Variants in ATE1 observed in about 807,000 individuals in gnomAD.
ATE1 encodes the protein arginyltransferase 1.
A neutral mutation model predicts 70.5 loss-of-function variants in ATE1; 36 were observed. The observed-to-expected ratio is 0.51, with a 90% CI of 0.39 to 0.67. ATE1 has a LOEUF of 0.67. ATE1 is among the 30% of genes least tolerant of loss of function. ATE1 has a pLI of 0.00. For synonymous variants in ATE1, 232 were observed against 219.3 expected (o/e 1.06, Z -0.51); for missense variants, 593 against 629.5 (o/e 0.94, Z 0.62).
At chr10:121,908,603 C>T (rs568587830) in intron 5 of ATE1, among the ~76,000 whole-genome samples, 7 of 152,222 alleles carry the variant, frequency 4.6e-5, no homozygotes, top group African/African-American at 7.2e-5. Flanking sequence ...AGCCAGGAAA[C>T]GAAGAAATGA....
At chr10:121,919,967 C>T (rs12264495) in intron 3 of ATE1, among the ~76,000 whole-genome samples, 20,067 of 151,862 alleles carry the variant, frequency 0.13, 1,526 homozygotes, top group East Asian at 0.19. Flanking sequence ...CAGCTCTCAT[C>T]GACTTCTCAA....
At chr10:121,863,252 CTTTTTT>C (rs1162295975) in intron 8 of ATE1, among the ~76,000 whole-genome samples, 5 of 127,354 alleles carry the variant, frequency 3.9e-5, no homozygotes, top group African/African-American at 1.5e-4. Flanking sequence ...CTGAAGTCTA[CTTTTTT>C]TTTTTTTTTT....
At chr10:121,884,985 G>A (rs1181796391) in intron 7 of ATE1, among the ~76,000 whole-genome samples, 2 of 152,128 alleles carry the variant, frequency 1.3e-5, no homozygotes, top group South Asian at 4.1e-4. Context: ...TTTAGGCCAG[G>A]CACAGTGGCT....
intron 7 of ATE1, among the ~76,000 whole-genome samples, chr10:121,883,441 C>T (rs1950285992): frequency 6.6e-6 from 1 of 152,008 alleles, no homozygotes; most frequent in Admixed American, 6.6e-5. Flanking sequence ...CAAACTAACA[C>T]AAGAATTGTC....
intron 10 of ATE1, among the ~76,000 whole-genome samples, chr10:121,825,057 AAT>A (rs1947952807): frequency 6.6e-6 from 1 of 151,822 alleles, no homozygotes; most frequent in South Asian, 2.1e-4. Context: ...ATGTGAAATT[AAT>A]ACAGTAATTT....
intron 7 of ATE1, among the ~76,000 whole-genome samples, chr10:121,888,610 C>A (rs911713261): frequency 6.6e-6 from 1 of 152,134 alleles, no homozygotes; most frequent in Non-Finnish European, 1.5e-5. Flanking sequence ...GCACACCCTA[C>A]GACACAGCAT....
At chr10:121,900,700 A>T (rs1371518010) in intron 6 of ATE1, among the ~76,000 whole-genome samples, 1 of 152,210 alleles carries the variant, frequency 6.6e-6, no homozygotes, top group African/African-American at 2.4e-5. Flanking sequence ...GAAACTGGAC[A>T]TGTGTGCCGT....
At position 121,828,264 on chromosome 10, in the gene ATE1, A is replaced by T. The variant is rs137955340; in HGVS notation, c.1257+8454T>A. 3.6e-3 allele frequency among the ~76,000 whole-genome samples: 546 copies of T among 152,352 alleles called. 6 individuals are homozygous for T. The highest frequency in any genetic ancestry group is 0.013 in the African/African-American group (525 of 41,580). Reference sequence around the variant, plus strand: ...GTGTGCACAGCAAAACAGAGAATGAAGGTGTCACTTTCATACCTACACCAT... The same window carrying T: ...GTGTGCACAGCAAAACAGAGAATGATGGTGTCACTTTCATACCTACACCAT... On this transcript the variant is annotated intron_variant, in intron 10 of 11. Transcript: ENST00000224652.
At chr10:121,766,201 T>C (rs890288043) in intron 11 of ATE1, among the ~76,000 whole-genome samples, 3 of 152,270 alleles carry the variant, frequency 2.0e-5, no homozygotes, top group African/African-American at 7.2e-5. Flanking sequence ...GTAAATTAAT[T>C]TTAGATTTTC....
intron 10 of ATE1, among the ~76,000 whole-genome samples, chr10:121,835,271 T>C (rs113051723): frequency 7.9e-5 from 12 of 152,248 alleles, no homozygotes; most frequent in African/African-American, 2.9e-4. Context: ...CTTGATCAGC[T>C]TACCTGGACT....
intron 7 of ATE1, among the ~76,000 whole-genome samples, chr10:121,892,499 C>CTT (rs34400277): frequency 5.4e-4 from 68 of 125,564 alleles, no homozygotes; most frequent in East Asian, 2.9e-3. Flanking sequence ...GGTGACAAAA[C>CTT]TTTTTTTTTT....
chr10:121,900,703 T>A (rs1170688770), intron 6 of ATE1, among the ~76,000 whole-genome samples: 1 of 152,216 alleles, frequency 6.6e-6, no homozygotes, highest in Non-Finnish European at 1.5e-5. Context: ...ACTGGACATG[T>A]GTGCCGTGAG....
chr10:121,836,836 G>A lies in ATE1; in HGVS notation c.1158-19C>T. On this transcript the variant is annotated intron_variant, in intron 9 of 11. Transcript: ENST00000224652. ...AATTTCTCTGCGAAAAGAAAAAGAA[G>A]AAAGCTGAAGGCAGTTAATTCTGGT... is the stretch of plus-strand genomic sequence containing the variant. 1 of 1,481,848 alleles carries A rather than the reference G, an allele frequency of 6.7e-7. No homozygotes were observed. The highest frequency in any genetic ancestry group is 9.3e-7 in the Non-Finnish European group (1 of 1,071,718). The allele number at this position is 1,481,848 out of a possible 1,614,324, so 91.8% of individuals were successfully genotyped here. A position where few individuals can be genotyped will look rare whatever the true frequency, so the allele number is the denominator to read the frequency against.
chr10:121,830,574 C>G (rs1413333905), intron 10 of ATE1, among the ~76,000 whole-genome samples: 1 of 152,122 alleles, frequency 6.6e-6, no homozygotes, highest in African/African-American at 2.4e-5. Flanking sequence ...TATATAAATA[C>G]AGAAAGAACA....
intron 10 of ATE1, among the ~76,000 whole-genome samples, chr10:121,827,182 T>C (rs566016110): frequency 6.6e-6 from 1 of 152,176 alleles, no homozygotes; most frequent in Non-Finnish European, 1.5e-5. Context: ...GCCATCTAAA[T>C]TTTGTACTTT....
At chr10:121,829,745 T>C (rs976473315) in intron 10 of ATE1, among the ~76,000 whole-genome samples, 2 of 151,964 alleles carry the variant, frequency 1.3e-5, no homozygotes, top group African/African-American at 4.8e-5. Flanking sequence ...AAAAAATCGC[T>C]CCTATTGAAG....
At chr10:121,903,933 AAC>A (rs1338349669) in intron 5 of ATE1, among the ~76,000 whole-genome samples, 4 of 152,080 alleles carry the variant, frequency 2.6e-5, no homozygotes, top group Non-Finnish European at 2.9e-5. Context: ...TTGTTTCAGA[AAC>A]AGAGACAGGA....
intron 8 of ATE1, among the ~76,000 whole-genome samples, chr10:121,864,719 G>A (rs944920980): frequency 4.6e-5 from 7 of 152,038 alleles, no homozygotes; most frequent in Non-Finnish European, 1.0e-4. Flanking sequence ...CATTAAATTG[G>A]CTTATTAACG....
At chr10:121,874,622 A>G (rs1256081182) in intron 7 of ATE1, among the ~76,000 whole-genome samples, 1 of 152,178 alleles carries the variant, frequency 6.6e-6, no homozygotes, top group Non-Finnish European at 1.5e-5. Flanking sequence ...CTCTATCCCA[A>G]TTGCAAGCAA....
Sources: gnomAD v4.1 joint callset for allele counts (sites outside exome capture counted in the v4.1 genomes callset) on GRCh38, gnomAD v4.1.1 for gene constraint, MANE v1.5 for transcripts, NCBI Gene and HGNC (gene_info 2026-07-23, HGNC 2026-07-21) for gene names.